The following PLXNA2 variants were observed in gnomAD, a reference collection of about 807,000 sequenced individuals.
PLXNA2 encodes plexin A2.
Under a neutral mutation model 193.5 loss-of-function variants are expected in PLXNA2, and 91 were observed. That is an observed-to-expected ratio of 0.47 (90% CI 0.40 to 0.56). The LOEUF is 0.56. Among genes scored for constraint, PLXNA2 ranks in the 20% least tolerant of loss-of-function variants. The pLI, the probability that PLXNA2 is intolerant of heterozygous loss-of-function variation, is 0.00. For missense variants in PLXNA2, 1,995 were observed against 2,503.2 expected, an observed-to-expected ratio of 0.80 and a Z score of 4.33; for synonymous variants, 997 against 1,027.3, an observed-to-expected ratio of 0.97 and a Z score of 0.56.
intron 14 of PLXNA2, among the ~76,000 whole-genome samples, chr1:208,054,083 T>C (rs528130096): frequency 4.6e-4 from 70 of 152,320 alleles, no homozygotes; most frequent in African/African-American, 1.6e-3. Flanking sequence ...TAGACTAAGA[T>C]ATTACACTGG....
intron 29 of PLXNA2, chr1:208,030,532 G>A (rs1447165955): frequency 1.3e-5 from 13 of 985,318 alleles, no homozygotes; most frequent in Non-Finnish European, 1.6e-5. Flanking sequence ...CAGCCTGTTC[G>A]TTTCACTCCA....
chr1:208,096,939 C>A (rs776954715), intron 6 of PLXNA2, 56 bp from the exon 7 acceptor site: 22 of 1,547,648 alleles, frequency 1.4e-5, no homozygotes, highest in Non-Finnish European at 1.7e-5. Context: ...ACCTGGACTC[C>A]AGGTCCAGCC....
intron 11 of PLXNA2, among the ~76,000 whole-genome samples, chr1:208,081,680 C>T (rs1371491844): frequency 1.3e-5 from 2 of 152,154 alleles, no homozygotes; most frequent in Admixed American, 1.3e-4. Flanking sequence ...ATAGTACATA[C>T]CTCTCAGAGT....
intron 4 of PLXNA2, 53 bp from the exon 5 acceptor site, chr1:208,103,300 GGT>G: frequency 7.2e-7 from 1 of 1,386,134 alleles, no homozygotes; most frequent in Non-Finnish European, 1.0e-6. Context: ...ACGACTAGCA[GGT>G]GTGTGTCACA....
At chr1:208,166,015 C>T (rs1251305603) in intron 3 of PLXNA2, among the ~76,000 whole-genome samples, 1 of 152,170 alleles carries the variant, frequency 6.6e-6, no homozygotes, top group Non-Finnish European at 1.5e-5. Flanking sequence ...CATGCGTAGG[C>T]CTCATCTCTA....
intron 6 of PLXNA2, 68 bp downstream of exon 6, chr1:208,098,774 GTGAA>G (rs1666999089): frequency 1.3e-6 from 2 of 1,529,306 alleles, no homozygotes; most frequent in Admixed American, 3.7e-5. Context: ...TTGTGCAAGC[GTGAA>G]TGGAGCACAC....
chr1:208,223,864 A>C (rs968076843), intron 1 of PLXNA2, among the ~76,000 whole-genome samples: 54 of 152,142 alleles, frequency 3.5e-4, no homozygotes, highest in Non-Finnish European at 7.9e-4. Flanking sequence ...TCTGATATTG[A>C]ATTTTCCTGG....
intron 4 of PLXNA2, among the ~76,000 whole-genome samples, chr1:208,121,962 G>T (rs1323252669): frequency 1.3e-5 from 2 of 152,016 alleles, no homozygotes; most frequent in African/African-American, 4.8e-5. Context: ...CACAGTCATG[G>T]ACAGGCAGGC....
At chr1:208,203,492 G>A (rs982079557) in intron 3 of PLXNA2, among the ~76,000 whole-genome samples, 4 of 152,248 alleles carry the variant, frequency 2.6e-5, no homozygotes, top group African/African-American at 9.6e-5. Flanking sequence ...GGTTCATACT[G>A]AGAGACAAGT....
chr1:208,153,305 C>T (rs545808747), intron 3 of PLXNA2, among the ~76,000 whole-genome samples: 3 of 152,210 alleles, frequency 2.0e-5, no homozygotes, highest in Middle Eastern at 3.4e-3. Context: ...GATGAGGAAA[C>T]GGAGGCATAG....
intron 4 of PLXNA2, among the ~76,000 whole-genome samples, chr1:208,104,628 A>T (rs183426650): frequency 6.6e-6 from 1 of 152,320 alleles, no homozygotes; most frequent in Admixed American, 6.5e-5. Context: ...GAAAGCGATC[A>T]TGGATAAGTT....
At chr1:208,235,017 C>G (rs1671810653) in intron 1 of PLXNA2, among the ~76,000 whole-genome samples, 1 of 152,198 alleles carries the variant, frequency 6.6e-6, no homozygotes, top group South Asian at 2.1e-4. Flanking sequence ...CCCATGAGCT[C>G]TGCGTTTTCT....
intron 9 of PLXNA2, among the ~76,000 whole-genome samples, chr1:208,088,271 CA>C (rs1293840592): frequency 6.6e-6 from 1 of 152,194 alleles, no homozygotes; most frequent in Non-Finnish European, 1.5e-5. Flanking sequence ...GTCTTGGGCT[CA>C]CATTGCCCAC....
chr1:208,125,303 T>G (rs1473225724), intron 4 of PLXNA2, among the ~76,000 whole-genome samples: 1 of 152,182 alleles, frequency 6.6e-6, no homozygotes, highest in East Asian at 1.9e-4. Flanking sequence ...AGTTTGGACT[T>G]CCCATGGCTA....
rs369859475 is a variant in PLXNA2 at position 208,240,493 on chromosome 1, A to G, written c.-81+3150T>C. Reference sequence around the variant, plus strand: ...GAAATCTTTGTAACGAAGTGAAAAAACTGTTCAGGGAACTGGTTCCATTCA... The same window carrying G: ...GAAATCTTTGTAACGAAGTGAAAAAGCTGTTCAGGGAACTGGTTCCATTCA... On this transcript the variant is annotated intron_variant, in intron 1 of 31. Transcript: ENST00000367033. Among the ~76,000 whole-genome samples, 9 of 152,302 alleles carry G rather than the reference A, an allele frequency of 5.9e-5. No individual in the cohort carries two copies. In the East Asian group the frequency reaches 7.7e-4, roughly 13 times the overall value.
intron 17 of PLXNA2, among the ~76,000 whole-genome samples, chr1:208,049,306 CT>C (rs35088178): frequency 0.023 from 3,199 of 141,514 alleles, 46 homozygotes; most frequent in South Asian, 0.069. Context: ...AATTTGCTTG[CT>C]TTTTTTTTTT....
At chr1:208,147,815 A>G (rs1668645373) in intron 3 of PLXNA2, among the ~76,000 whole-genome samples, 1 of 152,028 alleles carries the variant, frequency 6.6e-6, no homozygotes, top group African/African-American at 2.4e-5. Context: ...TAAAAGTCCA[A>G]ATTTCCCCCT....
rs564741867 is a variant in PLXNA2 at position 208,054,661 on chromosome 1, G to C, written c.2739-123C>G. On this transcript the variant is annotated intron_variant, in intron 13 of 31. Transcript: ENST00000367033. ...TGCAATAATGCCAGACCAAGACTCA[G>C]CTTGGTCATCCATCTTGCTGTGTGA... 1.6e-4 allele frequency: 114 copies of C among 706,722 alleles called. 1 individual carries two copies. In the South Asian group the frequency reaches 1.9e-3, roughly 12 times the overall value. 43.8% of individuals were successfully genotyped at this position (706,722 alleles called of 1,614,324 possible). A position where few individuals can be genotyped will look rare whatever the true frequency, so the allele number is the denominator to read the frequency against.
chr1:208,111,599 A>G (rs1224313758), intron 4 of PLXNA2, among the ~76,000 whole-genome samples: 1 of 152,158 alleles, frequency 6.6e-6, no homozygotes, highest in Non-Finnish European at 1.5e-5. Context: ...TGAGATAAAG[A>G]CAATATCTGT....
Sources: gnomAD v4.1 joint callset for allele counts (sites outside exome capture counted in the v4.1 genomes callset) on GRCh38, gnomAD v4.1.1 for gene constraint, MANE v1.5 for transcripts, NCBI Gene and HGNC (gene_info 2026-07-23, HGNC 2026-07-21) for gene names.